Variants in CCT3 observed in about 807,000 individuals in gnomAD.
CCT3 encodes T-complex protein 1 subunit gamma.
Under a neutral mutation model 65.3 loss-of-function variants are expected in CCT3, and 10 were observed. The observed-to-expected ratio is 0.15, with a 90% confidence interval of 0.09 to 0.26. The LOEUF is 0.26. Ranked by LOEUF, CCT3 falls within the 10% of genes least tolerant of loss-of-function variation. CCT3 has a pLI of 1.00. For missense variants in CCT3, 626 were observed against 708.7 expected (o/e 0.88, Z 1.33); for synonymous variants, 225 against 242.3 (o/e 0.93, Z 0.66).
chr1:156,337,923 G>A, intron 1 of CCT3: 2 of 568,352 alleles, frequency 3.5e-6, no homozygotes, highest in East Asian at 2.9e-5. Flanking sequence ...CCCAAGACGA[G>A]CACACGTCAA....
chr1:156,325,433 T>A (rs1365171306), intron 5 of CCT3, among the ~76,000 whole-genome samples: 1 of 151,960 alleles, frequency 6.6e-6, no homozygotes, highest in East Asian at 1.9e-4. Context: ...AGGCTGAGGT[T>A]AAGAGGATCA....
chr1:156,317,627 C>T, intron 8 of CCT3, 80 bp from the exon 9 acceptor site: 1 of 1,284,948 alleles, frequency 7.8e-7, no homozygotes, highest in Non-Finnish European at 1.1e-6. Context: ...CTCCTTCCAC[C>T]CACCTCTCCC....
In CCT3 at chr1:156,309,151, A is replaced by G. The variant is rs1663962457; in HGVS notation, c.*48T>C. The G allele has an allele frequency of 7.9e-7, 1 of 1,258,506 alleles. No individual in the cohort carries two copies. Among genetic ancestry groups the G allele is most frequent in the Non-Finnish European group, 1.2e-6 (1 of 857,144 alleles). 78.0% of individuals were successfully genotyped at this position (1,258,506 alleles called of 1,614,324 possible). On this transcript the variant is annotated 3_prime_UTR_variant, in exon 14 of 14. Transcript: ENST00000295688. ...GTTCCTGGCACTCTGGCTCAGGAAAAGGGGAGACTCTGCTGGTTCTGTGCA... is the reference window on the plus strand; with the variant it reads ...GTTCCTGGCACTCTGGCTCAGGAAAGGGGGAGACTCTGCTGGTTCTGTGCA...
chr1:156,314,625 A>G (rs991997965), intron 10 of CCT3, among the ~76,000 whole-genome samples: 1 of 152,134 alleles, frequency 6.6e-6, no homozygotes, highest in African/African-American at 2.4e-5. Flanking sequence ...GAGACAGGAG[A>G]ATCGTTTGAA....
At chr1:156,313,660 T>C (rs1194748097) in intron 10 of CCT3, among the ~76,000 whole-genome samples, 1 of 152,226 alleles carries the variant, frequency 6.6e-6, no homozygotes, top group Non-Finnish European at 1.5e-5. Context: ...GGGACTGCCT[T>C]TTAAAGTGCT....
chr1:156,338,102 G>A, intron 1 of CCT3, 52 bp downstream of exon 1: 2 of 1,558,734 alleles, frequency 1.3e-6, no homozygotes, highest in Non-Finnish European at 8.7e-7. Context: ...TGAAAAGTAT[G>A]GACAGAAGAG....
chr1:156,322,491 C>T (rs902644327), intron 6 of CCT3, among the ~76,000 whole-genome samples: 2 of 151,900 alleles, frequency 1.3e-5, no homozygotes, highest in African/African-American at 4.8e-5. Flanking sequence ...GCGAGACCCC[C>T]CGCCACCCCA....
rs565845931 is a variant in CCT3 at position 156,328,198 on chromosome 1, TG to T, written c.305-3110del. ...CCAGCCGCCCCGTCCGGGAGGGAGG[TG>T]GGGGGGGTCAGTCCCCCCGTCCGGG... On this transcript the variant is annotated intron_variant, in intron 5 of 13. Transcript: ENST00000295688. Among the ~76,000 whole-genome samples the T allele has an allele frequency of 1.3e-3, 124 of 98,722 alleles. 1 individual carries two copies. Among genetic ancestry groups the T allele is most frequent in the Middle Eastern group, 5.6e-3 (1 of 178 alleles). 64.8% of individuals were successfully genotyped at this position (98,722 alleles called of 152,430 possible).
chr1:156,334,998 G>T (rs1335523516), intron 2 of CCT3, 80 bp from the exon 3 acceptor site: 6 of 1,132,560 alleles, frequency 5.3e-6, no homozygotes, highest in Non-Finnish European at 8.0e-6. Context: ...GGGAAAAGGG[G>T]CATGAACAAC....
At chr1:156,323,626 G>A (rs994823748) in intron 6 of CCT3, among the ~76,000 whole-genome samples, 5 of 151,644 alleles carry the variant, frequency 3.3e-5, no homozygotes, top group Admixed American at 6.6e-5. Context: ...CACCACGCCC[G>A]GCTTATTTTT....
At chr1:156,334,969 G>A in intron 2 of CCT3, 51 bp from the exon 3 acceptor site, 1 of 1,543,552 alleles carries the variant, frequency 6.5e-7, no homozygotes, top group Non-Finnish European at 8.9e-7. Context: ...AGGACAGTGT[G>A]AGAAATGTTG....
At position 156,325,074 on chromosome 1, in the gene CCT3, G is replaced by A. The variant is rs781121153; in HGVS notation, c.320C>T (p.Ser107Phe). 1.2e-6 allele frequency: 2 copies of A among 1,611,428 alleles called. No individual in the cohort carries two copies. The highest frequency in any genetic ancestry group is 1.3e-5 in the African/African-American group (1 of 74,900). ...CTGCTCCAGGAAGTGCTCAGCTACA[G>A]ACAGCATTTCCCCTGCTGAAAAAGA... Reference protein sequence around the residue: ...SVIILAGEMLSVAEHFLEQQM... With the variant: ...SVIILAGEMLFVAEHFLEQQM... The change falls in exon 6 of 14, where the codon TCT (serine) becomes TTT (phenylalanine). Residue 107 changes from serine (S) to phenylalanine (F), a missense_variant. Ser to Phe is a radical substitution (Grantham distance 155). Transcript: ENST00000295688.
intron 1 of CCT3, chr1:156,337,802 C>CA (rs11376291): frequency 0.24 from 63,972 of 272,022 alleles, 6,285 homozygotes; most frequent in Admixed American, 0.36. Context: ...GAAAAAAAAA[C>CA]AAAAAAAAAC....
chr1:156,320,910 C>T lies in CCT3; in HGVS notation c.538G>A (p.Val180Ile), dbSNP rs1282539896. 1 of 1,613,970 alleles carries T rather than the reference C, an allele frequency of 6.2e-7. No homozygotes were observed. The highest frequency in any genetic ancestry group is 8.5e-7 in the Non-Finnish European group (1 of 1,179,866). ...SLACNIALDA[V>I]KMVQFEENGR... ...TTCTCCTCAAACTGTACCATCTTGA[C>T]AGCATCCAGGGCAATGTTGCAAGCC... Residue 180 changes from valine (V) to isoleucine (I), a missense_variant, in exon 7 of 14, where the codon GTC (valine) becomes ATC (isoleucine). Physicochemically the swap from Val to Ile is conservative, Grantham distance 29 (BLOSUM62 3). Transcript: ENST00000295688.
chr1:156,309,787 C>T (rs1664000326), intron 13 of CCT3, among the ~76,000 whole-genome samples: 1 of 151,706 alleles, frequency 6.6e-6, no homozygotes, highest in African/African-American at 2.4e-5. Flanking sequence ...ACCTGTAATC[C>T]TAGCACTTTG....
At chr1:156,326,451 T>C (rs1664810786) in intron 5 of CCT3, among the ~76,000 whole-genome samples, 2 of 152,044 alleles carry the variant, frequency 1.3e-5, no homozygotes, top group African/African-American at 2.4e-5. Flanking sequence ...CAGGAGTTCA[T>C]GACCAGCCTG....
chr1:156,314,161 T>C (rs1482139265), intron 10 of CCT3, among the ~76,000 whole-genome samples: 1 of 151,152 alleles, frequency 6.6e-6, no homozygotes, highest in Non-Finnish European at 1.5e-5. Context: ...TATGAAAGGA[T>C]TACATTACTG....
chr1:156,338,103 G>C, intron 1 of CCT3, 51 bp downstream of exon 1: 1 of 1,560,480 alleles, frequency 6.4e-7, no homozygotes, highest in Non-Finnish European at 8.7e-7. Flanking sequence ...GAAAAGTATG[G>C]ACAGAAGAGG....
At chr1:156,329,190 A>G (rs1237907722) in intron 5 of CCT3, among the ~76,000 whole-genome samples, 1 of 152,220 alleles carries the variant, frequency 6.6e-6, no homozygotes, top group Non-Finnish European at 1.5e-5. Context: ...GCTATACCAT[A>G]CAGCCTAAGT....
Sources: gnomAD v4.1 joint callset for allele counts (sites outside exome capture counted in the v4.1 genomes callset) on GRCh38, gnomAD v4.1.1 for gene constraint, MANE v1.5 for transcripts, NCBI Gene and HGNC (gene_info 2026-07-23, HGNC 2026-07-21) for gene names.